KSR1: variants seen among roughly 807,000 people sequenced by gnomAD.
The protein encoded by KSR1 is kinase suppressor of ras 1.
A neutral mutation model predicts 92.9 loss-of-function variants in KSR1; 35 were observed. That is an observed-to-expected ratio of 0.38 (90% confidence interval 0.29 to 0.50). The LOEUF (loss-of-function observed/expected upper bound fraction) is 0.50. Ranked by LOEUF, KSR1 falls within the 20% of genes least tolerant of loss-of-function variation. KSR1 has a pLI of 0.94. For synonymous variants in KSR1, 467 were observed against 472.6 expected, an observed-to-expected ratio of 0.99 and a Z score of 0.15; for missense variants, 972 against 1,158.5, an observed-to-expected ratio of 0.84 and a Z score of 2.34.
At chr17:27,605,887 G>A in intron 14 of KSR1, 74 bp downstream of exon 14, 1 of 1,577,014 alleles carries the variant, frequency 6.3e-7, no homozygotes, top group Non-Finnish European at 8.6e-7. Context: ...TGTTTGTGTG[G>A]ATGCCCTAGA....
At chr17:27,487,586 TAAAA>T (rs75708903) in intron 1 of KSR1, among the ~76,000 whole-genome samples, 1 of 145,932 alleles carries the variant, frequency 6.9e-6, no homozygotes, top group East Asian at 2.0e-4. Flanking sequence ...CCATCTCTTT[TAAAA>T]AAAAAAAAAA....
chr17:27,506,414 C>A (rs886254887), intron 1 of KSR1, among the ~76,000 whole-genome samples: 2 of 152,178 alleles, frequency 1.3e-5, no homozygotes, highest in African/African-American at 4.8e-5. Flanking sequence ...TTTAACAAAG[C>A]GTAGTTTTTA....
At chr17:27,514,660 C>CAAAA (rs1177388900) in intron 1 of KSR1, among the ~76,000 whole-genome samples, 7 of 92,630 alleles carry the variant, frequency 7.6e-5, no homozygotes, top group African/African-American at 2.5e-4. Context: ...AACTCCATCT[C>CAAAA]AAAAAAAAAA....
rs545464738 is a variant in KSR1 at position 27,605,686 on chromosome 17, G to T, written c.1867G>T (p.Gly623Cys). The change falls in exon 14 of 21, where the codon GGC becomes TGC. Residue 623 changes from glycine to cysteine, a missense_variant. By Grantham distance (159) the Gly-to-Cys change is radical. Transcript: ENST00000644974. Reference protein sequence around the residue: ...EVAIRLLEMDGHNQDHLKLFK... With the variant: ...EVAIRLLEMDCHNQDHLKLFK... Reference sequence around the variant, plus strand: ...GGCCATTCGCCTGCTGGAGATGGACGGCCACAACCAGGACCACCTGAAGCT... The same window carrying T: ...GGCCATTCGCCTGCTGGAGATGGACTGCCACAACCAGGACCACCTGAAGCT... 6.2e-7 allele frequency: 1 copy of T among 1,612,828 alleles called. No homozygotes were observed. Among genetic ancestry groups the T allele is most frequent in the South Asian group, 1.1e-5 (1 of 91,044 alleles).
rs2069562034 is a variant in KSR1 at position 27,510,550 on chromosome 17, C to T, written c.232-40018C>T. Among the ~76,000 whole-genome samples, 4 of 152,172 alleles carry T rather than the reference C, an allele frequency of 2.6e-5. No individual in the cohort carries two copies. In the East Asian group the frequency reaches 7.8e-4, roughly 30 times the overall value. On this transcript the variant is annotated intron_variant, in intron 1 of 20. Transcript: ENST00000644974. ...AGCTAGAGAGAAATCTAAGTCCTAA[C>T]ACCGAAGAGCTGAGTGGCCTTAGCT...
At chr17:27,463,238 G>A (rs1179162271) in intron 1 of KSR1, among the ~76,000 whole-genome samples, 2 of 152,134 alleles carry the variant, frequency 1.3e-5, no homozygotes, top group Admixed American at 6.6e-5. Flanking sequence ...GCCTGGGTGC[G>A]GTGGCTCATG....
chr17:27,610,079 G>T lies in KSR1; in HGVS notation c.2238G>T (p.Gln746His). Residue 746 changes from glutamine to histidine, a missense_variant, in exon 17 of 21, where the codon CAG becomes CAT. Coordinates refer to ENST00000644974, the MANE Select transcript of KSR1 (RefSeq NM_001394583.1). ...TCCTGGTCTCCAGGCGTGAGAACCA[G>T]CTAAAGCTGTCCCACGACTGGCTGT... ...GVVREGRRENQLKLSHDWLCY... is the reference protein window; with the variant it reads ...GVVREGRRENHLKLSHDWLCY... 6.2e-7 allele frequency: 1 copy of T among 1,613,950 alleles called. No individual in the cohort carries two copies. The highest frequency in any genetic ancestry group is 8.5e-7 in the Non-Finnish European group (1 of 1,179,842).
chr17:27,466,878 C>T (rs1258372639), intron 1 of KSR1, among the ~76,000 whole-genome samples: 1 of 152,184 alleles, frequency 6.6e-6, no homozygotes, highest in East Asian at 1.9e-4. Flanking sequence ...CTGGTTCCAC[C>T]CCGTTTCATT....
chr17:27,590,964 A>G (rs909850159), intron 7 of KSR1, 70 bp downstream of exon 7: 17 of 1,301,472 alleles, frequency 1.3e-5, no homozygotes, highest in African/African-American at 8.8e-5. Flanking sequence ...GCGCTTCCCT[A>G]TGCTTGCTAT....
chr17:27,601,802 A>C, intron 11 of KSR1: 2 of 896,078 alleles, frequency 2.2e-6, no homozygotes, highest in South Asian at 3.1e-5. Flanking sequence ...AGGATATCTT[A>C]TGCACAATGT....
At position 27,550,666 on chromosome 17, in the gene KSR1, C is replaced by T. The variant is rs1435111062; in HGVS notation, c.330C>T (p.Ser110=). ...AGCTCAACAGCTACCCCCGCTTCAG[C>T]GACTGGCTGTACACTTTCAACGTGA... is the stretch of plus-strand genomic sequence containing the variant. ...TPELNSYPRF[S]DWLYTFNVRP... is the part of the protein sequence containing the mutation. Residue 110 remains serine, a synonymous_variant, in exon 2 of 21, where the codon AGC becomes AGT. Transcript: ENST00000644974. 1 of 763,982 alleles carries T rather than the reference C, an allele frequency of 1.3e-6. No homozygotes were observed. Among genetic ancestry groups the T allele is most frequent in the Non-Finnish European group, 2.4e-6 (1 of 417,894 alleles). 47.3% of individuals were successfully genotyped at this position (763,982 alleles called of 1,614,324 possible).
intron 1 of KSR1, among the ~76,000 whole-genome samples, chr17:27,525,413 T>C (rs2070219594): frequency 6.6e-6 from 1 of 152,252 alleles, no homozygotes; most frequent in Non-Finnish European, 1.5e-5. Flanking sequence ...TTTGGGCAAG[T>C]TGCCTCTGTG....
rs1386886439 is a variant in KSR1, at chr17:27,590,887, C to T, written c.1123C>T (p.His375Tyr). Residue 375 changes from histidine to tyrosine, a missense_variant, in exon 7 of 21, where the codon CAT (histidine) becomes TAT (tyrosine). His to Tyr is a moderately conservative substitution (Grantham distance 83). This residue lies in a region of KSR1 where 611 missense variants were observed against 668.0 expected (regional missense o/e 0.91). Coordinates refer to ENST00000644974, the MANE Select transcript of KSR1 (RefSeq NM_001394583.1). Reference protein sequence around the residue: ...KSMIFGVKCKHCRLKCHNKCT... With the variant: ...KSMIFGVKCKYCRLKCHNKCT... ...CATGATATTTGGAGTGAAGTGCAAG[C>T]ATTGCAGGTGATGGGAAGAGGAGTG... 3.7e-6 allele frequency: 6 copies of T among 1,610,418 alleles called. No individual in the cohort carries two copies. The highest frequency in any genetic ancestry group is 1.7e-5 in the Admixed American group (1 of 59,512).
At chr17:27,504,106 G>T (rs918616479) in intron 1 of KSR1, among the ~76,000 whole-genome samples, 8 of 152,186 alleles carry the variant, frequency 5.3e-5, no homozygotes, top group Non-Finnish European at 8.8e-5. Flanking sequence ...GGCCCCGTGG[G>T]AAGTATAGAG....
intron 1 of KSR1, among the ~76,000 whole-genome samples, chr17:27,531,969 T>C (rs2070557306): frequency 6.6e-6 from 1 of 152,340 alleles, no homozygotes; most frequent in South Asian, 2.1e-4. Context: ...ACTTCTGCCA[T>C]CCAGTATGGG....
At chr17:27,507,305 G>A (rs2069421201) in intron 1 of KSR1, among the ~76,000 whole-genome samples, 1 of 151,736 alleles carries the variant, frequency 6.6e-6, no homozygotes. Context: ...TGGTGGCAGG[G>A]GCCTGTAATC....
chr17:27,604,614 T>TC (rs1184366372), intron 12 of KSR1, 66 bp from the exon 13 acceptor site: 7 of 1,487,924 alleles, frequency 4.7e-6, no homozygotes, highest in Non-Finnish European at 6.6e-6. Context: ...CTCCCGGGAG[T>TC]CCCCGCTAGC....
At position 27,605,572 on chromosome 17, in the gene KSR1, G is replaced by A. The variant is rs766422827; in HGVS notation, c.1753G>A (p.Asp585Asn). Residue 585 changes from aspartate (D) to asparagine (N), a missense_variant, in exon 14 of 21, where the codon GAC becomes AAC. Coordinates refer to ENST00000644974, the MANE Select transcript of KSR1 (RefSeq NM_001394583.1). ...SQTSVYLQEW[D>N]IPFEQVELGE... is the part of the protein sequence containing the mutation. Reference sequence around the variant, plus strand: ...GACCAGCGTGTACCTGCAGGAGTGGGACATCCCCTTCGAGCAGGTAGAGCT... The same window carrying A: ...GACCAGCGTGTACCTGCAGGAGTGGAACATCCCCTTCGAGCAGGTAGAGCT... 13 of 1,597,012 alleles carry A rather than the reference G, an allele frequency of 8.1e-6. No individual in the cohort carries two copies. In the East Asian group the frequency reaches 2.5e-4, roughly 31 times the overall value.
chr17:27,527,024 A>G, intron 1 of KSR1: 1 of 488,064 alleles, frequency 2.0e-6, no homozygotes, highest in Non-Finnish European at 3.9e-6. Context: ...GCTGTTTGAA[A>G]TCCGGCAGGG....
Sources: gnomAD v4.1 joint callset for allele counts (sites outside exome capture counted in the v4.1 genomes callset) on GRCh38, gnomAD v4.1.1 for gene constraint, gnomAD v4.1.1 regional missense constraint, MANE v1.5 for transcripts, NCBI Gene and HGNC (gene_info 2026-07-23, HGNC 2026-07-21) for gene names.